POR: variants seen among roughly 807,000 people sequenced by gnomAD.
The protein encoded by POR is NADPH--cytochrome P450 reductase.
In POR, 56 loss-of-function variants were observed where a neutral mutation model predicts 84.0. The observed-to-expected ratio is 0.67, with a 90% confidence interval of 0.54 to 0.83. The LOEUF is 0.83. Ranked by LOEUF, POR falls within the 40% of genes least tolerant of loss-of-function variation. The probability of loss-of-function intolerance (pLI) is 0.00; values close to 1 mark genes in which losing one functional copy is unlikely to be tolerated. For missense variants in POR, 938 were observed against 944.3 expected, an observed-to-expected ratio of 0.99 and a Z score of 0.09; for synonymous variants, 414 against 400.5, an observed-to-expected ratio of 1.03 and a Z score of -0.40.
At chr7:75,930,968 G>T (rs1554550086) in intron 1 of POR, among the ~76,000 whole-genome samples, 1 of 152,070 alleles carries the variant, frequency 6.6e-6, no homozygotes, top group East Asian at 1.9e-4. Flanking sequence ...GACTACAGGT[G>T]TGCACCACCA....
At chr7:75,923,292 A>G in intron 1 of POR, 1 of 1,227,856 alleles carries the variant, frequency 8.1e-7, no homozygotes, top group Non-Finnish European at 1.2e-6. Context: ...CTTCCCAAGG[A>G]AGCATTTCCA....
intron 6 of POR, 85 bp downstream of exon 6, chr7:75,981,257 CA>C: frequency 6.9e-7 from 1 of 1,452,650 alleles, no homozygotes; most frequent in Non-Finnish European, 9.1e-7. Context: ...ACCATTGTGT[CA>C]GCTGAGACTC....
chr7:75,922,499 A>G (rs1052615260), intron 1 of POR, among the ~76,000 whole-genome samples: 1 of 151,542 alleles, frequency 6.6e-6, no homozygotes, highest in Admixed American at 6.6e-5. Flanking sequence ...AATTTTTTGT[A>G]ATTTTAGTAC....
At chr7:75,978,351 A>G (rs1554557133) in intron 3 of POR, among the ~76,000 whole-genome samples, 1 of 152,176 alleles carries the variant, frequency 6.6e-6, no homozygotes, top group African/African-American at 2.4e-5. Context: ...CTGTCATCTT[A>G]CTGTTCCCTA....
chr7:75,979,618 TGGGTAGGACA>T (rs1563429255), intron 4 of POR, 39 bp downstream of exon 4: 1 of 1,608,576 alleles, frequency 6.2e-7, no homozygotes, highest in East Asian at 2.2e-5. Flanking sequence ...ATGGAGGCAG[TGGGTAGGACA>T]GGGAGCAGGT....
At chr7:75,970,938 T>TTTTTATTTTATTTTATTTTAAATTTTA (rs1554556028) in intron 2 of POR, 13 of 109,136 alleles carry the variant, frequency 1.2e-4, no homozygotes, top group Middle Eastern at 4.7e-3. Context: ...TTAATGGCGT[T>TTTTTATTTTATTTTATTTTAAATTTTA]TTTTATTTTA....
At chr7:75,953,269 G>C (rs184627893) in intron 1 of POR, among the ~76,000 whole-genome samples, 18,472 of 139,938 alleles carry the variant, frequency 0.13, 1,509 homozygotes, top group South Asian at 0.22. Context: ...GATGGCAGCA[G>C]TACAGTCCAG....
chr7:75,949,519 GT>G (rs1437944964), intron 1 of POR, among the ~76,000 whole-genome samples: 1 of 151,026 alleles, frequency 6.6e-6, no homozygotes, highest in Non-Finnish European at 1.5e-5. Context: ...TGTTGTTGTT[GT>G]TTGAGATGGA....
At chr7:75,955,936 C>T (rs947235747) in intron 2 of POR, among the ~76,000 whole-genome samples, 9 of 152,174 alleles carry the variant, frequency 5.9e-5, no homozygotes, top group African/African-American at 1.2e-4. Flanking sequence ...GCCTTCACAC[C>T]GTAAAGCAGA....
intron 3 of POR, 122 bp downstream of exon 3, chr7:75,972,583 C>T (rs1204304154): frequency 1.1e-5 from 10 of 922,460 alleles, no homozygotes; most frequent in African/African-American, 1.6e-5. Context: ...GGAGAGGGAA[C>T]GCAGCCCGGC....
At chr7:75,947,060 G>A (rs1288684120) in intron 1 of POR, 1 of 152,262 alleles carries the variant, frequency 6.6e-6, no homozygotes, top group African/African-American at 2.4e-5. Flanking sequence ...GTTCCAACGT[G>A]AGATCCTTGC....
At chr7:75,932,635 A>G (rs1481651653) in intron 1 of POR, among the ~76,000 whole-genome samples, 1 of 152,190 alleles carries the variant, frequency 6.6e-6, no homozygotes, top group Non-Finnish European at 1.5e-5. Context: ...TAGTGAAAAT[A>G]TAATGACATT....
chr7:75,933,263 A>C (rs1351007769), intron 1 of POR, among the ~76,000 whole-genome samples: 1 of 151,666 alleles, frequency 6.6e-6, no homozygotes, highest in African/African-American at 2.4e-5. Flanking sequence ...TAACATATGC[A>C]TTACCTCACA....
At chr7:75,978,757 CAA>C (rs1376655063) in intron 3 of POR, among the ~76,000 whole-genome samples, 2 of 151,796 alleles carry the variant, frequency 1.3e-5, no homozygotes, top group Non-Finnish European at 2.9e-5. Context: ...CTCTCGACCT[CAA>C]GTCATCCACC....
chr7:75,960,832 C>G (rs1787904417), intron 2 of POR, among the ~76,000 whole-genome samples: 1 of 152,138 alleles, frequency 6.6e-6, no homozygotes, highest in South Asian at 2.1e-4. Flanking sequence ...TTAACCAAGG[C>G]TAAATCTGTA....
chr7:75,947,100 G>C (rs1037562890), intron 1 of POR: 22 of 152,288 alleles, frequency 1.4e-4, no homozygotes, highest in Non-Finnish European at 2.6e-4. Context: ...TTACATCTTT[G>C]CGAAGCTGGG....
chr7:75,983,395 C>T lies in POR; in HGVS notation c.831-125C>T, dbSNP rs574477071. The stretch of plus-strand genomic sequence containing the variant: ...AGGCTGGGAGAGCCCTTGATGTAAC[C>T]GGTGAGATTTCCTCATGGAGATCTC... On this transcript the variant is annotated intron_variant, in intron 8 of 15. Coordinates refer to ENST00000461988, the MANE Select transcript of POR (RefSeq NM_000941.3). 1.2e-3 allele frequency: 809 copies of T among 689,264 alleles called. 2 individuals carry two copies. The highest frequency in any genetic ancestry group is 1.7e-3 in the Non-Finnish European group (649 of 391,496). 42.7% of individuals were successfully genotyped at this position (689,264 alleles called of 1,614,324 possible).
At chr7:75,978,511 T>A (rs1157787298) in intron 3 of POR, among the ~76,000 whole-genome samples, 1 of 152,190 alleles carries the variant, frequency 6.6e-6, no homozygotes, top group East Asian at 1.9e-4. Context: ...GACTTGAGCA[T>A]CCTTGGATTT....
chr7:75,978,287 A>G (rs1474825765), intron 3 of POR, among the ~76,000 whole-genome samples: 2 of 152,240 alleles, frequency 1.3e-5, no homozygotes, highest in Non-Finnish European at 2.9e-5. Flanking sequence ...ATTCAACTGC[A>G]GACTGAAAAT....
Sources: gnomAD v4.1 joint callset for allele counts (sites outside exome capture counted in the v4.1 genomes callset) on GRCh38, gnomAD v4.1.1 for gene constraint, MANE v1.5 for transcripts, NCBI Gene and HGNC (gene_info 2026-07-23, HGNC 2026-07-21) for gene names.